The following MGAT4C variants were observed in gnomAD, a reference collection of about 807,000 sequenced individuals.
MGAT4C encodes the protein alpha-1,3-mannosyl-glycoprotein 4-beta-N-acetylglucosaminyltransferase C.
A neutral mutation model predicts 40.1 loss-of-function variants in MGAT4C; 19 were observed. The ratio of observed to expected loss-of-function variants is 0.47; its 90% CI spans 0.33 to 0.70. The LOEUF (loss-of-function observed/expected upper bound fraction) is 0.70, where lower values mean the gene tolerates loss of function less well. Among genes scored for constraint, MGAT4C ranks in the 30% least tolerant of loss-of-function variants. MGAT4C has a pLI of 0.02. For synonymous variants in MGAT4C, 181 were observed against 187.1 expected (o/e 0.97, Z 0.27); for missense variants, 491 against 563.2 (o/e 0.87, Z 1.30).
intron 2 of MGAT4C, among the ~76,000 whole-genome samples, chr12:86,698,136 C>T (rs1950292449): frequency 6.6e-6 from 1 of 151,616 alleles, no homozygotes; most frequent in Non-Finnish European, 1.5e-5. Context: ...TTGAGAAATA[C>T]TTGCAACACA....
At chr12:86,605,537 T>A (rs1962013121) in intron 2 of MGAT4C, among the ~76,000 whole-genome samples, 1 of 152,150 alleles carries the variant, frequency 6.6e-6, no homozygotes, top group Non-Finnish European at 1.5e-5. Context: ...TCCATTTCCA[T>A]AACTAACTCT....
chr12:86,367,058 T>C (rs1223995423), intron 3 of MGAT4C, among the ~76,000 whole-genome samples: 1 of 152,124 alleles, frequency 6.6e-6, no homozygotes, highest in East Asian at 1.9e-4. Flanking sequence ...AGTATATTTT[T>C]ATAACCTTGG....
At chr12:86,769,226 T>G (rs1476470154) in intron 1 of MGAT4C, among the ~76,000 whole-genome samples, 5 of 152,122 alleles carry the variant, frequency 3.3e-5, no homozygotes, top group Admixed American at 2.0e-4. Context: ...CAGACACTTC[T>G]CAAAAGAAGA....
At chr12:85,991,283 T>C (rs950783950) in intron 2 of MGAT4C, among the ~76,000 whole-genome samples, 14 of 152,168 alleles carry the variant, frequency 9.2e-5, no homozygotes, top group Admixed American at 4.6e-4. Flanking sequence ...CTGCTCTGGC[T>C]GAACACGGGG....
chr12:86,582,807 C>A (rs997046337), intron 2 of MGAT4C, among the ~76,000 whole-genome samples: 2 of 151,138 alleles, frequency 1.3e-5, no homozygotes, highest in African/African-American at 4.8e-5. Flanking sequence ...CCAAGTGACT[C>A]CCAGACTGTA....
At chr12:86,512,701 C>A (rs903494868) in intron 2 of MGAT4C, among the ~76,000 whole-genome samples, 2 of 151,896 alleles carry the variant, frequency 1.3e-5, no homozygotes, top group Non-Finnish European at 2.9e-5. Context: ...CTGCATGATC[C>A]CATTTATATG....
intron 1 of MGAT4C, among the ~76,000 whole-genome samples, chr12:86,831,140 T>C (rs907231365): frequency 4.6e-5 from 7 of 151,702 alleles, no homozygotes; most frequent in Non-Finnish European, 4.4e-5. Flanking sequence ...TAATTTGCCA[T>C]GTTAATCTTC....
chr12:86,699,579 A>G (rs1383664375), intron 2 of MGAT4C, among the ~76,000 whole-genome samples: 1 of 152,052 alleles, frequency 6.6e-6, no homozygotes, highest in Non-Finnish European at 1.5e-5. Context: ...AGGAGCTGTT[A>G]ACCCCAGTGC....
chr12:85,980,485 T>G, intron 4 of MGAT4C, 55 bp from the exon 5 acceptor site: 8 of 1,446,162 alleles, frequency 5.5e-6, no homozygotes, highest in Non-Finnish European at 7.4e-6. Context: ...ATGGAAAAAG[T>G]AAAAGAGAGA....
At chr12:86,392,322 G>A (rs1177435141) in intron 3 of MGAT4C, among the ~76,000 whole-genome samples, 1 of 151,934 alleles carries the variant, frequency 6.6e-6, no homozygotes, top group Non-Finnish European at 1.5e-5. Context: ...AAATACAAAA[G>A]ATAGCTGGGT....
chr12:86,075,826 C>G (rs948679629), intron 1 of MGAT4C, among the ~76,000 whole-genome samples: 1 of 152,128 alleles, frequency 6.6e-6, no homozygotes, highest in Non-Finnish European at 1.5e-5. Context: ...GTCACAGGGC[C>G]CTGCCCACAA....
At chr12:86,023,232 G>A (rs982757868) in intron 2 of MGAT4C, among the ~76,000 whole-genome samples, 2 of 151,992 alleles carry the variant, frequency 1.3e-5, no homozygotes, top group Non-Finnish European at 2.9e-5. Flanking sequence ...GTTCACAAAA[G>A]TTCTCTTTAT....
At chr12:86,295,364 C>CAGA (rs2136132860) in intron 4 of MGAT4C, among the ~76,000 whole-genome samples, 1 of 152,246 alleles carries the variant, frequency 6.6e-6, no homozygotes, top group Admixed American at 6.5e-5. Context: ...AAAGAAGCCG[C>CAGA]AGACCCTCGC....
chr12:85,964,748 G>A lies in MGAT4C; in HGVS notation c.*14541C>T, dbSNP rs540642837. 7 of 152,186 alleles carry A rather than the reference G, an allele frequency of 4.6e-5. No individual in the cohort carries two copies. The South Asian group carries it at 6.2e-4, about 14-fold the overall frequency. The allele number at this position is 152,186 out of a possible 1,614,324, so 9.4% of individuals were successfully genotyped here. On this transcript the variant is annotated 3_prime_UTR_variant, in exon 5 of 5. Transcript: ENST00000611864. Reference sequence around the variant, plus strand: ...CTGTGGTAAAGAAGAAACATTATAGGAAGCATTTTTTTTTCCTACAGAGTC... The same window carrying A: ...CTGTGGTAAAGAAGAAACATTATAGAAAGCATTTTTTTTTCCTACAGAGTC...
At chr12:86,434,206 T>C (rs1367563271) in intron 3 of MGAT4C, among the ~76,000 whole-genome samples, 1 of 152,016 alleles carries the variant, frequency 6.6e-6, no homozygotes, top group Non-Finnish European at 1.5e-5. Context: ...AAATAATTTA[T>C]CTTCAGATGT....
At chr12:86,417,406 C>A (rs1273759960) in intron 3 of MGAT4C, among the ~76,000 whole-genome samples, 1 of 152,042 alleles carries the variant, frequency 6.6e-6, no homozygotes, top group African/African-American at 2.4e-5. Flanking sequence ...ATCATGTTAT[C>A]TGCTTAAATG....
chr12:86,665,749 T>C (rs1456768427), intron 2 of MGAT4C, among the ~76,000 whole-genome samples: 4 of 152,246 alleles, frequency 2.6e-5, no homozygotes, highest in South Asian at 4.1e-4. Flanking sequence ...ATTCTTCTTG[T>C]TTGGAATCAT....
At chr12:86,590,028 G>T (rs545992244) in intron 2 of MGAT4C, among the ~76,000 whole-genome samples, 1 of 151,864 alleles carries the variant, frequency 6.6e-6, no homozygotes, top group East Asian at 1.9e-4. Context: ...GGAACACTTC[G>T]TAGGATGCTG....
At chr12:86,448,058 A>C (rs1592860306) in intron 2 of MGAT4C, among the ~76,000 whole-genome samples, 1 of 152,292 alleles carries the variant, frequency 6.6e-6, no homozygotes, top group East Asian at 1.9e-4. Context: ...CCAGAAGGTA[A>C]AAAATGTTCC....
Sources: allele counts gnomAD v4.1 joint callset (sites outside exome capture counted in the v4.1 genomes callset), GRCh38; gene constraint gnomAD v4.1.1; transcripts MANE v1.5; gene names NCBI Gene and HGNC (gene_info 2026-07-23, HGNC 2026-07-21).